Variants in MROH1 observed in about 807,000 individuals in gnomAD.
The protein encoded by MROH1 is maestro heat-like repeat-containing protein family member 1.
A neutral mutation model predicts 116.5 loss-of-function variants in MROH1; 117 were observed. The observed-to-expected ratio is 1.00, with a 90% CI of 0.86 to 1.17. The LOEUF is 1.17. Among genes scored for constraint, MROH1 ranks in the 50% most tolerant of loss-of-function variants. The pLI, the probability that MROH1 is intolerant of heterozygous loss-of-function variation, is 0.00. For synonymous variants in MROH1, 921 were observed against 583.9 expected (o/e 1.58, Z -8.32); for missense variants, 1,873 against 1,338.5 (o/e 1.40, Z -6.23).
intron 14 of MROH1, among the ~76,000 whole-genome samples, chr8:144,234,577 C>A (rs1438779925): frequency 8.5e-6 from 1 of 117,902 alleles, no homozygotes; most frequent in Non-Finnish European, 1.6e-5. Flanking sequence ...AGTGCAGTGG[C>A]ACAGTCTCGG....
intron 1 of MROH1, among the ~76,000 whole-genome samples, chr8:144,160,452 G>A (rs1013537981): frequency 2.0e-5 from 3 of 152,198 alleles, no homozygotes; most frequent in African/African-American, 7.2e-5. Context: ...TCTCCTACAA[G>A]GCATTTGTCT....
intron 4 of MROH1, among the ~76,000 whole-genome samples, chr8:144,174,086 T>C (rs1310711355): frequency 6.6e-6 from 1 of 152,130 alleles, no homozygotes; most frequent in Non-Finnish European, 1.5e-5. Context: ...GAGTGTATGC[T>C]GATTGGTTTG....
chr8:144,245,086 A>G, intron 28 of MROH1, 70 bp from the exon 29 acceptor site: 1 of 776,920 alleles, frequency 1.3e-6, no homozygotes, highest in South Asian at 1.3e-5. Context: ...GAGCTGGCCC[A>G]CGATGCACAA....
At chr8:144,197,905 C>T (rs1830296634) in intron 10 of MROH1, among the ~76,000 whole-genome samples, 2 of 150,496 alleles carry the variant, frequency 1.3e-5, no homozygotes, top group Non-Finnish European at 3.0e-5. Context: ...GAAACCCTGT[C>T]TCTATTAAAA....
In MROH1 at chr8:144,163,104, A is replaced by G. The variant is rs993168814; in HGVS notation, c.-56-667A>G. ...TGTCCTGGCTGGTCAGGGATGGGTC[A>G]TGGTGTCTCTCCTTCATTTTTCTCT... On this transcript the variant is annotated intron_variant, in intron 2 of 43. Transcript: ENST00000326134. This position sits in a 1 kb window ranked among gnomAD's most constrained non-coding sequence, Gnocchi z 4.4. Among the ~76,000 whole-genome samples the G allele has an allele frequency of 6.6e-6, 1 of 152,186 alleles. No homozygotes were observed. Among genetic ancestry groups the G allele is most frequent in the African/African-American group, 2.4e-5 (1 of 41,450 alleles).
At chr8:144,201,979 C>T (rs892714214) in intron 12 of MROH1, among the ~76,000 whole-genome samples, 6 of 150,788 alleles carry the variant, frequency 4.0e-5, no homozygotes, top group African/African-American at 1.5e-4. Context: ...GATGGCTAAA[C>T]CGCACTCAAG....
At chr8:144,191,300 C>G (rs571919133) in intron 8 of MROH1, among the ~76,000 whole-genome samples, 2 of 152,300 alleles carry the variant, frequency 1.3e-5, no homozygotes, top group Admixed American at 6.5e-5. Flanking sequence ...GAACTCCTGA[C>G]CTCAGGCGAT....
intron 34 of MROH1, 51 bp downstream of exon 34, chr8:144,255,029 C>A: frequency 1.4e-6 from 1 of 702,736 alleles, no homozygotes; most frequent in Non-Finnish European, 2.6e-6. Flanking sequence ...GCCCCGCTTG[C>A]CTGGGTGCCC....
chr8:144,258,645 G>A, intron 35 of MROH1, 132 bp from the exon 36 acceptor site: 1 of 675,958 alleles, frequency 1.5e-6, no homozygotes. Context: ...CTGCTTCCTG[G>A]AGAGTGGCTC....
chr8:144,169,716 C>T (rs1821961913), intron 4 of MROH1, among the ~76,000 whole-genome samples: 1 of 149,990 alleles, frequency 6.7e-6, no homozygotes, highest in African/African-American at 2.5e-5. Context: ...GATCTCGGCT[C>T]ACTGCAACCT....
chr8:144,191,740 T>G lies in MROH1; in HGVS notation c.740T>G (p.Leu247Arg). The G allele has an allele frequency of 1.9e-6, 3 of 1,612,940 alleles. No individual in the cohort carries two copies. The highest frequency in any genetic ancestry group is 2.5e-6 in the Non-Finnish European group (3 of 1,179,702). The change falls in exon 9 of 44, where the codon CTG (leucine) becomes CGG (arginine). Residue 247 changes from leucine (L) to arginine (R), a missense_variant. Transcript: ENST00000326134. Reference protein sequence around the residue: ...AKLRLAVVEALGPMSHLLPSE... With the variant: ...AKLRLAVVEARGPMSHLLPSE... ...CTCCGTCTTGCCGTGGTGGAGGCTC[T>G]GGGGCCTATGAGCCATCTGCTGCCC...
At chr8:144,240,483 G>A in intron 19 of MROH1, 87 bp from the exon 20 acceptor site, 1 of 705,966 alleles carries the variant, frequency 1.4e-6, no homozygotes, top group Non-Finnish European at 2.6e-6. Flanking sequence ...AGCCCCTGCA[G>A]CCACAGCACA....
At position 144,180,506 on chromosome 8, in the gene MROH1, G is replaced by A. The variant is rs774658345; in HGVS notation, c.545G>A (p.Arg182His). 6 of 1,610,856 alleles carry A rather than the reference G, an allele frequency of 3.7e-6. No individual in the cohort carries two copies. The highest frequency in any genetic ancestry group is 1.1e-5 in the South Asian group (1 of 91,072). The stretch of plus-strand genomic sequence containing the variant: ...GGCGTGGCCAAGCAGGACACGGTGC[G>A]CGTGGCCTTCTGCTCCGGTAAGAGG... ...VLGVAKQDTV[R>H]VAFCSALQRF... The change falls in exon 7 of 44, where the codon CGC becomes CAC. Residue 182 changes from arginine to histidine, a missense_variant. Coordinates refer to ENST00000326134, the MANE Select transcript of MROH1 (RefSeq NM_032450.3). This position sits in a 1 kb window ranked among gnomAD's most constrained non-coding sequence, Gnocchi z 7.4.
At chr8:144,214,895 C>T (rs897317031) in intron 12 of MROH1, among the ~76,000 whole-genome samples, 1 of 152,216 alleles carries the variant, frequency 6.6e-6, no homozygotes, top group African/African-American at 2.4e-5. Flanking sequence ...CAGTCCCAGT[C>T]CCACAGCTGA....
In MROH1 at chr8:144,220,582, C is replaced by G. The variant is rs758234095; in HGVS notation, c.1142-18C>G. The G allele has an allele frequency of 5.4e-5, 85 of 1,561,702 alleles. No homozygotes were observed. Among genetic ancestry groups the G allele is most frequent in the Admixed American group, 1.7e-4 (9 of 52,044 alleles). ...TCATCTCAGTGGTAGGCTGAGCTGTCCTGTTTGTTTCTTGCAGCTGCTCAG... is the reference window on the plus strand; with the variant it reads ...TCATCTCAGTGGTAGGCTGAGCTGTGCTGTTTGTTTCTTGCAGCTGCTCAG... On this transcript the variant is annotated intron_variant, in intron 12 of 43. Transcript: ENST00000326134.
At chr8:144,196,775 C>T (rs896286222) in intron 10 of MROH1, among the ~76,000 whole-genome samples, 1 of 151,994 alleles carries the variant, frequency 6.6e-6, no homozygotes, top group Middle Eastern at 3.4e-3. Context: ...GCTGTGTAAC[C>T]AATTACCACA....
At chr8:144,224,995 T>A (rs146960952) in intron 14 of MROH1, among the ~76,000 whole-genome samples, 1,552 of 152,304 alleles carry the variant, frequency 0.01, 22 homozygotes, top group African/African-American at 0.035. Flanking sequence ...TTATCTATAT[T>A]ACCACACCTA....
chr8:144,184,583 A>G (rs1261393882), intron 7 of MROH1, among the ~76,000 whole-genome samples: 1 of 152,244 alleles, frequency 6.6e-6, no homozygotes, highest in Non-Finnish European at 1.5e-5. Context: ...ACAAAACTGT[A>G]ACCATTTCCA....
chr8:144,241,476 G>A lies in MROH1; in HGVS notation c.2137G>A (p.Glu713Lys). 1.3e-6 allele frequency: 1 copy of A among 778,768 alleles called. No homozygotes were observed. The highest frequency in any genetic ancestry group is 2.4e-6 in the Non-Finnish European group (1 of 417,810). 48.2% of individuals were successfully genotyped at this position (778,768 alleles called of 1,614,324 possible). A position where few individuals can be genotyped will look rare whatever the true frequency, so the allele number is the denominator to read the frequency against. Reference sequence around the variant, plus strand: ...CCAGCTGGAGGACTTCGTGAGGTCAGAGGTCTTCAGAAAATCCATTGGCAT... The same window carrying A: ...CCAGCTGGAGGACTTCGTGAGGTCAAAGGTCTTCAGAAAATCCATTGGCAT... Reference protein sequence around the residue: ...LAQLEDFVRSEVFRKSIGILN... With the variant: ...LAQLEDFVRSKVFRKSIGILN... Residue 713 changes from glutamate (E) to lysine (K), a missense_variant, in exon 22 of 44, where the codon GAG becomes AAG. Physicochemically the swap from Glu to Lys is moderately conservative, Grantham distance 56 (BLOSUM62 1). Coordinates refer to ENST00000326134, the MANE Select transcript of MROH1 (RefSeq NM_032450.3).
Sources: allele counts gnomAD v4.1 joint callset (sites outside exome capture counted in the v4.1 genomes callset), GRCh38; gene constraint gnomAD v4.1.1; non-coding constraint Gnocchi (gnomAD v3.1); transcripts MANE v1.5; gene names NCBI Gene and HGNC (gene_info 2026-07-23, HGNC 2026-07-21).